Variants in PSD2 observed in about 807,000 individuals in gnomAD.
PSD2 encodes pleckstrin and Sec7 domain containing 2.
A neutral mutation model predicts 69.8 loss-of-function variants in PSD2; 38 were observed. That is an observed-to-expected ratio of 0.54 (90% CI 0.42 to 0.71). PSD2 has a LOEUF of 0.71. Ranked by LOEUF, PSD2 falls within the 30% of genes least tolerant of loss-of-function variation. PSD2 has a pLI of 0.00. For missense variants in PSD2, 943 were observed against 1,014.5 expected, an observed-to-expected ratio of 0.93 and a Z score of 0.96; for synonymous variants, 412 against 423.0, an observed-to-expected ratio of 0.97 and a Z score of 0.32.
chr5:139,792,619 C>T (rs531115423), upstream of PSD2, among the ~76,000 whole-genome samples: 4 of 152,286 alleles, frequency 2.6e-5, no homozygotes, highest in East Asian at 5.8e-4. Flanking sequence ...GGAGAAGCTG[C>T]GCATTCTTCT....
the PSD2 span, among the ~76,000 whole-genome samples, chr5:139,759,228 G>T: frequency 2.1e-4 from 32 of 152,210 alleles, no homozygotes; most frequent in African/African-American, 7.5e-4. Flanking sequence ...AGGCTGCACC[G>T]CACACCGCAG....
chr5:139,766,583 C>G, the PSD2 span, among the ~76,000 whole-genome samples: 1 of 152,162 alleles, frequency 6.6e-6, no homozygotes, highest in African/African-American at 2.4e-5. Flanking sequence ...CCTGTAGGAC[C>G]CTCCATGGTT....
At chr5:139,766,673 G>A in the PSD2 span, among the ~76,000 whole-genome samples, 1 of 152,160 alleles carries the variant, frequency 6.6e-6, no homozygotes, top group Non-Finnish European at 1.5e-5. Context: ...GGTCCTTAGA[G>A]ATGCCTCCTC....
At chr5:139,834,789 T>C (rs1368431980) in intron 8 of PSD2, among the ~76,000 whole-genome samples, 1 of 151,948 alleles carries the variant, frequency 6.6e-6, no homozygotes, top group African/African-American at 2.4e-5. Context: ...GATCAAACAA[T>C]CCCAGTCCCA....
chr5:139,797,247 G>A (rs1053820268), intron 1 of PSD2, among the ~76,000 whole-genome samples: 3 of 152,226 alleles, frequency 2.0e-5, no homozygotes, highest in Admixed American at 6.5e-5. Flanking sequence ...CAGGGAACAG[G>A]GGCTTTTGAG....
intron 1 of PSD2, among the ~76,000 whole-genome samples, chr5:139,804,982 T>C (rs1561592727): frequency 6.6e-6 from 1 of 151,596 alleles, no homozygotes; most frequent in Non-Finnish European, 1.5e-5. Flanking sequence ...TGCGTGCGTG[T>C]GTGCATGTGT....
At chr5:139,811,862 G>T (rs1461004950) in intron 2 of PSD2, among the ~76,000 whole-genome samples, 1 of 152,070 alleles carries the variant, frequency 6.6e-6, no homozygotes, top group Non-Finnish European at 1.5e-5. Flanking sequence ...CAAAGTGCTG[G>T]GATTACAGCC....
chr5:139,756,670 C>A, the PSD2 span, among the ~76,000 whole-genome samples: 4 of 152,304 alleles, frequency 2.6e-5, no homozygotes, highest in South Asian at 8.3e-4. Flanking sequence ...TGGGATTCTT[C>A]TGGCTGGGCG....
intron 7 of PSD2, among the ~76,000 whole-genome samples, chr5:139,832,486 G>T (rs185795332): frequency 1.3e-5 from 2 of 152,346 alleles, no homozygotes; most frequent in Non-Finnish European, 2.9e-5. Context: ...CCCACATGAT[G>T]CTAATAGAGT....
At chr5:139,748,913 G>C in the PSD2 span, among the ~76,000 whole-genome samples, 3 of 152,284 alleles carry the variant, frequency 2.0e-5, no homozygotes, top group African/African-American at 2.4e-5. Context: ...ATGTTGGGGG[G>C]GGTGAATACA....
Position 139,843,846 on chromosome 5 carries a change from CCTCT to C in PSD2, c.*1375_*1378del, listed in dbSNP as rs1760935182. 6.6e-6 allele frequency: 1 copy of C among 152,162 alleles called. No individual in the cohort carries two copies. The highest frequency in any genetic ancestry group is 1.5e-5 in the Non-Finnish European group (1 of 68,042). The allele number at this position is 152,162 out of a possible 1,614,324, so 9.4% of individuals were successfully genotyped here. ...TTCAGTGTGGCTATGAAGAGCGAAT[CCTCT>C]CTATTGTTTAAATAGATTACTGTAG... is the stretch of plus-strand genomic sequence containing the variant. On this transcript the variant is annotated 3_prime_UTR_variant, in exon 15 of 15. Coordinates refer to ENST00000274710, the MANE Select transcript of PSD2 (RefSeq NM_032289.4).
At chr5:139,824,394 G>GTTTTTTTT (rs3055525) in intron 7 of PSD2, among the ~76,000 whole-genome samples, 1 of 119,430 alleles carries the variant, frequency 8.4e-6, no homozygotes, top group African/African-American at 3.4e-5. Context: ...TCTCTCTCTT[G>GTTTTTTTT]TTTTTTTTTT....
chr5:139,830,415 ATCCT>A (rs1760544924), intron 7 of PSD2, among the ~76,000 whole-genome samples: 1 of 133,214 alleles, frequency 7.5e-6, no homozygotes, highest in Non-Finnish European at 1.5e-5. Flanking sequence ...TAGTGGTGTG[ATCCT>A]GGCTCACTGC....
chr5:139,746,100 C>G, the PSD2 span: 31 of 152,322 alleles, frequency 2.0e-4, no homozygotes, highest in African/African-American at 7.0e-4. The surrounding 1 kb of genome is among the most constrained non-coding windows in gnomAD (Gnocchi z 4.5). Flanking sequence ...CTCTGTCTCT[C>G]CAGACTCAAG....
chr5:139,794,378 C>A (rs1056929392), upstream of PSD2, among the ~76,000 whole-genome samples: 1 of 152,172 alleles, frequency 6.6e-6, no homozygotes, highest in Non-Finnish European at 1.5e-5. Flanking sequence ...TTGATGAAGT[C>A]CCAGCTCCTG....
intron 1 of PSD2, among the ~76,000 whole-genome samples, chr5:139,804,671 C>T (rs2126928406): frequency 6.6e-6 from 1 of 152,330 alleles, no homozygotes; most frequent in Middle Eastern, 3.4e-3. Context: ...CTTGCCACCA[C>T]ACTGACATTC....
chr5:139,824,997 G>T, intron 7 of PSD2, among the ~76,000 whole-genome samples: 1 of 152,214 alleles, frequency 6.6e-6, no homozygotes, highest in East Asian at 1.9e-4. Context: ...GTGCAGTCTG[G>T]TTGAGGAACT....
At chr5:139,775,122 G>A in the PSD2 span, among the ~76,000 whole-genome samples, 2 of 152,230 alleles carry the variant, frequency 1.3e-5, no homozygotes, top group African/African-American at 2.4e-5. Context: ...CAGGAGGTGA[G>A]GCTAGACTCC....
chr5:139,795,015 C>T (rs1759483596), upstream of PSD2, among the ~76,000 whole-genome samples: 1 of 152,134 alleles, frequency 6.6e-6, no homozygotes, highest in Non-Finnish European at 1.5e-5. This position sits in a 1 kb window ranked among gnomAD's most constrained non-coding sequence, Gnocchi z 4.5. Flanking sequence ...GTTTCCTCTG[C>T]CCAGGGCACC....
Sources: gnomAD v4.1 joint callset for allele counts (sites outside exome capture counted in the v4.1 genomes callset) on GRCh38, gnomAD v4.1.1 for gene constraint, Gnocchi (gnomAD v3.1) non-coding constraint, MANE v1.5 for transcripts, NCBI Gene and HGNC (gene_info 2026-07-23, HGNC 2026-07-21) for gene names.